RANBP2: variants seen among roughly 807,000 people sequenced by gnomAD.
RANBP2 encodes RAN binding protein 2, also known as E3 SUMO-protein ligase RanBP2.
A neutral mutation model predicts 303.6 loss-of-function variants in RANBP2; 57 were observed. The observed-to-expected ratio is 0.19, with a 90% CI of 0.15 to 0.23. The LOEUF is 0.23. RANBP2 is among the 10% of genes least tolerant of loss of function. The pLI, the probability that RANBP2 is intolerant of heterozygous loss-of-function variation, is 1.00. For synonymous variants in RANBP2, 1,167 were observed against 1,301.5 expected (o/e 0.90, Z 2.23); for missense variants, 3,138 against 3,780.8 (o/e 0.83, Z 4.46).
the RANBP2 span, among the ~76,000 whole-genome samples, chr2:109,329,518 A>G: frequency 6.6e-6 from 1 of 152,204 alleles, no homozygotes; most frequent in Admixed American, 6.5e-5. Flanking sequence ...ACAACTGAAC[A>G]CATCCCCCCA....
At chr2:109,414,734 C>T in the RANBP2 span, among the ~76,000 whole-genome samples, 3 of 152,202 alleles carry the variant, frequency 2.0e-5, no homozygotes, top group Admixed American at 1.3e-4. Flanking sequence ...ACTGCGTGTC[C>T]AGCACTGAGC....
chr2:109,564,512 G>C, the RANBP2 span: 5 of 1,525,002 alleles, frequency 3.3e-6, no homozygotes, highest in Non-Finnish European at 4.4e-6. Context: ...GCTTTACAAA[G>C]TCACAGTGGT....
At chr2:109,228,258 C>T in the RANBP2 span, among the ~76,000 whole-genome samples, 4 of 152,142 alleles carry the variant, frequency 2.6e-5, no homozygotes, top group Non-Finnish European at 5.9e-5. Context: ...GTTAGCAGTG[C>T]GTGTCTATCC....
At chr2:108,982,905 G>A in the RANBP2 span, among the ~76,000 whole-genome samples, 1 of 152,342 alleles carries the variant, frequency 6.6e-6, no homozygotes, top group Admixed American at 6.5e-5. Flanking sequence ...GACAGGCCAG[G>A]TGCCTGCTGC....
At chr2:108,819,722 CAGAA>C in the RANBP2 span, among the ~76,000 whole-genome samples, 1 of 152,144 alleles carries the variant, frequency 6.6e-6, no homozygotes, top group African/African-American at 2.4e-5. Flanking sequence ...TGTAAAGACT[CAGAA>C]AGGTATTTGT....
intron 23 of RANBP2, 136 bp from the exon 24 acceptor site, chr2:108,775,596 G>C (rs952536978): frequency 4.8e-6 from 4 of 827,562 alleles, no homozygotes; most frequent in Non-Finnish European, 7.9e-6. Flanking sequence ...AGGTTTTGAG[G>C]AGAGATAGGG....
the RANBP2 span, among the ~76,000 whole-genome samples, chr2:109,629,769 C>G: frequency 6.6e-6 from 1 of 152,026 alleles, no homozygotes; most frequent in African/African-American, 2.4e-5. Context: ...CGTGATCACA[C>G]CACTGCACTT....
At chr2:108,889,993 T>G in the RANBP2 span, among the ~76,000 whole-genome samples, 3 of 152,204 alleles carry the variant, frequency 2.0e-5, no homozygotes, top group African/African-American at 7.2e-5. Context: ...GCTTCCAGGC[T>G]TAAAATTCCC....
the RANBP2 span, among the ~76,000 whole-genome samples, chr2:109,155,682 G>T: frequency 6.6e-6 from 1 of 152,136 alleles, no homozygotes; most frequent in African/African-American, 2.4e-5. Context: ...ATCTTGAATT[G>T]TAACACTGTT....
the RANBP2 span, among the ~76,000 whole-genome samples, chr2:109,347,501 G>A: frequency 6.6e-6 from 1 of 152,144 alleles, no homozygotes; most frequent in African/African-American, 2.4e-5. Flanking sequence ...CTCAGAATGT[G>A]CATGTTCCTG....
the RANBP2 span, among the ~76,000 whole-genome samples, chr2:108,850,742 C>T: frequency 1.6e-4 from 25 of 152,254 alleles, no homozygotes; most frequent in East Asian, 4.8e-3. Context: ...TGAGCCACTG[C>T]GCCTGGCCAG....
the RANBP2 span, among the ~76,000 whole-genome samples, chr2:109,359,998 A>G: frequency 6.6e-6 from 1 of 151,890 alleles, no homozygotes; most frequent in East Asian, 1.9e-4. Flanking sequence ...ATCCAGCAGA[A>G]TGTTTCCTCA....
rs774365943 is a variant in RANBP2, at chr2:108,737,335, C to CTTTCT, written c.782+1089_782+1090insCTTTT. Among the ~76,000 whole-genome samples the CTTTCT allele has an allele frequency of 9.0e-4, 105 of 117,048 alleles. 1 individual carries two copies. Among genetic ancestry groups the CTTTCT allele is most frequent in the Admixed American group, 3.1e-3 (39 of 12,502 alleles). The allele number at this position is 117,048 out of a possible 152,430, so 76.8% of individuals were successfully genotyped here. ...GGTTCCTTTTTTTCTTTCTTTCTTT[C>CTTTCT]TTTTTTTTTTTTTTGTTTTTTTGAG... On this transcript the variant is annotated intron_variant, in intron 6 of 28. Transcript: ENST00000283195.
chr2:108,974,171 A>T, the RANBP2 span, among the ~76,000 whole-genome samples: 1 of 150,228 alleles, frequency 6.7e-6, no homozygotes, highest in Non-Finnish European at 1.5e-5. Context: ...CTACTAAAAA[A>T]TACAAAAAAT....
chr2:109,259,043 G>A, the RANBP2 span, among the ~76,000 whole-genome samples: 1 of 152,222 alleles, frequency 6.6e-6, no homozygotes, highest in Non-Finnish European at 1.5e-5. Flanking sequence ...AGGAGGGAGA[G>A]CCTTGTGCTG....
chr2:109,609,222 T>G, the RANBP2 span, among the ~76,000 whole-genome samples: 1 of 152,232 alleles, frequency 6.6e-6, no homozygotes, highest in Non-Finnish European at 1.5e-5. Context: ...CAAGCATTTA[T>G]AATTTATTCA....
the RANBP2 span, among the ~76,000 whole-genome samples, chr2:109,140,574 G>A: frequency 4.6e-5 from 7 of 152,022 alleles, no homozygotes; most frequent in East Asian, 1.4e-3. Flanking sequence ...GTAGAGACGG[G>A]GTTTCACCAT....
chr2:108,988,702 A>G, the RANBP2 span, among the ~76,000 whole-genome samples: 1 of 152,188 alleles, frequency 6.6e-6, no homozygotes, highest in African/African-American at 2.4e-5. Context: ...TGTGAAGCAC[A>G]CACAGAATTT....
At chr2:109,513,580 G>A in the RANBP2 span, among the ~76,000 whole-genome samples, 4 of 151,892 alleles carry the variant, frequency 2.6e-5, no homozygotes, top group African/African-American at 9.7e-5. Flanking sequence ...CACAAGCCAC[G>A]TGCATGCACA....
Sources: allele counts gnomAD v4.1 joint callset (sites outside exome capture counted in the v4.1 genomes callset), GRCh38; gene constraint gnomAD v4.1.1; transcripts MANE v1.5; gene names NCBI Gene and HGNC (gene_info 2026-07-23, HGNC 2026-07-21).